UGGT2: variants seen among roughly 807,000 people sequenced by gnomAD.
UGGT2 encodes the protein UDP-glucose:glycoprotein glucosyltransferase 2.
UGGT2 carries 180 observed loss-of-function variants against 192.1 expected under a neutral mutation model. That is an observed-to-expected ratio of 0.94 (90% CI 0.83 to 1.06). The LOEUF (loss-of-function observed/expected upper bound fraction) is 1.06, where lower values mean the gene tolerates loss of function less well. Among genes scored for constraint, UGGT2 ranks in the 50% least tolerant of loss-of-function variants. UGGT2 has a pLI of 0.00. For synonymous variants in UGGT2, 580 were observed against 591.0 expected (o/e 0.98, Z 0.27); for missense variants, 1,849 against 1,795.7 (o/e 1.03, Z -0.54).
At chr13:95,923,742 C>T (rs1217839211) in intron 20 of UGGT2, among the ~76,000 whole-genome samples, 1 of 152,074 alleles carries the variant, frequency 6.6e-6, no homozygotes, top group African/African-American at 2.4e-5. Flanking sequence ...CTTGTTGACA[C>T]AACATTGTTT....
intron 38 of UGGT2, among the ~76,000 whole-genome samples, chr13:95,820,575 G>A (rs1885407319): frequency 6.6e-6 from 1 of 152,020 alleles, no homozygotes; most frequent in South Asian, 2.1e-4. Flanking sequence ...AAGAATAATA[G>A]GTCATGACCA....
At chr13:95,816,104 C>A (rs1884859837) in intron 38 of UGGT2, among the ~76,000 whole-genome samples, 1 of 152,164 alleles carries the variant, frequency 6.6e-6, no homozygotes, top group Admixed American at 6.6e-5. Context: ...TCTTGTAGAG[C>A]CTGTGGAACC....
chr13:95,808,752 T>C (rs1199697348), intron 38 of UGGT2, among the ~76,000 whole-genome samples: 1 of 152,214 alleles, frequency 6.6e-6, no homozygotes, highest in Admixed American at 6.5e-5. Context: ...CTGAATAGCA[T>C]GTACACTACA....
intron 24 of UGGT2, among the ~76,000 whole-genome samples, chr13:95,892,043 C>T (rs2047816875): frequency 6.6e-6 from 1 of 152,116 alleles, no homozygotes; most frequent in Non-Finnish European, 1.5e-5. Context: ...ATTAAAGTGA[C>T]TCTTGACAAT....
intron 38 of UGGT2, among the ~76,000 whole-genome samples, chr13:95,803,533 TAC>T (rs1281542552): frequency 1.3e-5 from 2 of 152,234 alleles, no homozygotes; most frequent in Non-Finnish European, 2.9e-5. Context: ...GTGCTGGGAT[TAC>T]AGGTGTGATT....
At chr13:96,006,829 A>G (rs2051996934) in intron 5 of UGGT2, among the ~76,000 whole-genome samples, 1 of 152,044 alleles carries the variant, frequency 6.6e-6, no homozygotes. Flanking sequence ...CTAAAGGGAG[A>G]AATATGCCTC....
intron 2 of UGGT2, among the ~76,000 whole-genome samples, chr13:96,024,433 C>T (rs1406608235): frequency 1.3e-5 from 2 of 152,214 alleles, no homozygotes; most frequent in Non-Finnish European, 2.9e-5. Context: ...AAAAGTGCAG[C>T]CTAGAGCTGA....
rs1442782944 is a variant in UGGT2, at chr13:95,908,848, C to T, written c.2296-5788G>A. Among the ~76,000 whole-genome samples the T allele has an allele frequency of 2.4e-5, 3 of 126,012 alleles. No homozygotes were observed. In the Admixed American group the frequency reaches 2.6e-4, roughly 11 times the overall value. The allele number at this position is 126,012 out of a possible 152,430, so 82.7% of individuals were successfully genotyped here. On this transcript the variant is annotated intron_variant, in intron 20 of 38. Transcript: ENST00000376747. ...GTTCATTGTAGATTCTGGATATTAG[C>T]CCTTTGTCAGATGAGTAGGTTGCGA...
chr13:96,045,476 T>G (rs1466348403), intron 1 of UGGT2, among the ~76,000 whole-genome samples: 1 of 152,122 alleles, frequency 6.6e-6, no homozygotes, highest in African/African-American at 2.4e-5. Context: ...GTAATGGAAG[T>G]CCTAGTCAGA....
At chr13:96,030,921 G>A (rs373747117) in intron 2 of UGGT2, among the ~76,000 whole-genome samples, 1 of 152,172 alleles carries the variant, frequency 6.6e-6, no homozygotes, top group Admixed American at 6.5e-5. Context: ...GGTATTAAAA[G>A]TTTCTTTAAT....
At chr13:95,971,358 C>A (rs1443223739) in intron 11 of UGGT2, among the ~76,000 whole-genome samples, 59 of 152,100 alleles carry the variant, frequency 3.9e-4, no homozygotes, top group Non-Finnish European at 1.6e-4. Context: ...TCTGAAGACA[C>A]AAATATTCTC....
chr13:95,966,281 A>G (rs2050577136), intron 12 of UGGT2, among the ~76,000 whole-genome samples: 1 of 152,210 alleles, frequency 6.6e-6, no homozygotes, highest in Non-Finnish European at 1.5e-5. Context: ...TAAGTGAAAT[A>G]AGCCAGATAC....
At chr13:95,900,417 T>C (rs1472352222) in intron 22 of UGGT2, among the ~76,000 whole-genome samples, 1 of 152,144 alleles carries the variant, frequency 6.6e-6, no homozygotes, top group Admixed American at 6.6e-5. Flanking sequence ...TCTAATGCCA[T>C]TTAACATACA....
chr13:96,006,397 G>T (rs2051975987), intron 5 of UGGT2, among the ~76,000 whole-genome samples: 1 of 152,128 alleles, frequency 6.6e-6, no homozygotes, highest in South Asian at 2.1e-4. Flanking sequence ...GGCTGAGGTG[G>T]ATGGATTGCC....
chr13:95,980,257 C>A (rs1370821467), intron 10 of UGGT2, among the ~76,000 whole-genome samples: 2 of 152,102 alleles, frequency 1.3e-5, no homozygotes, highest in Non-Finnish European at 2.9e-5. Flanking sequence ...CCTATACATA[C>A]CACGGAATAC....
chr13:95,879,895 ATTTT>A lies in UGGT2; in HGVS notation c.3229-2043_3229-2040del, dbSNP rs77881466. Among the ~76,000 whole-genome samples, 338 of 151,940 alleles carry A rather than the reference ATTTT, an allele frequency of 2.2e-3. 1 individual carries two copies. Among genetic ancestry groups the A allele is most frequent in the Non-Finnish European group, 3.1e-3 (208 of 67,928 alleles). ...CAAATATAACCTTGAGAATGTATTA[ATTTT>A]TTTTTATTATACTTTAAATTCTGGG... is the stretch of plus-strand genomic sequence containing the variant. On this transcript the variant is annotated intron_variant, in intron 27 of 38. Coordinates refer to ENST00000376747, the MANE Select transcript of UGGT2 (RefSeq NM_020121.4).
chr13:95,963,155 A>G (rs1266164713), intron 12 of UGGT2, among the ~76,000 whole-genome samples: 2 of 152,180 alleles, frequency 1.3e-5, no homozygotes, highest in Non-Finnish European at 2.9e-5. Flanking sequence ...CAAATTCTCA[A>G]CAAAATACTA....
chr13:95,902,716 T>C, intron 21 of UGGT2, 138 bp downstream of exon 21: 1 of 833,486 alleles, frequency 1.2e-6, no homozygotes, highest in South Asian at 1.8e-5. Flanking sequence ...TGTTTATCTT[T>C]TCCCATTTGA....
intron 17 of UGGT2, among the ~76,000 whole-genome samples, chr13:95,928,654 GCTC>G (rs944085618): frequency 2.0e-5 from 3 of 151,852 alleles, no homozygotes; most frequent in African/African-American, 7.3e-5. Flanking sequence ...GGGCAGAGAC[GCTC>G]CTCACTTCCT....
Sources: gnomAD v4.1 joint callset for allele counts (sites outside exome capture counted in the v4.1 genomes callset) on GRCh38, gnomAD v4.1.1 for gene constraint, MANE v1.5 for transcripts, NCBI Gene and HGNC (gene_info 2026-07-23, HGNC 2026-07-21) for gene names.